Variants in JARID2 observed in about 807,000 individuals in gnomAD.
JARID2 encodes protein Jumonji.
A neutral mutation model predicts 125.6 loss-of-function variants in JARID2; 21 were observed. The ratio of observed to expected loss-of-function variants is 0.17; its 90% CI spans 0.12 to 0.24. JARID2 has a LOEUF of 0.24. JARID2 is among the 10% of genes least tolerant of loss of function. JARID2 has a pLI of 1.00. For missense variants in JARID2, 1,303 were observed against 1,639.6 expected (o/e 0.79, Z 3.55); for synonymous variants, 736 against 661.6 (o/e 1.11, Z -1.73).
intron 3 of JARID2, among the ~76,000 whole-genome samples, chr6:15,438,524 C>A (rs1767309705): frequency 6.6e-6 from 1 of 152,118 alleles, no homozygotes; most frequent in Non-Finnish European, 1.5e-5. Flanking sequence ...TGTTTCTGAC[C>A]AATGTGGACA....
At chr6:15,506,038 GA>G (rs1484094734) in intron 9 of JARID2, among the ~76,000 whole-genome samples, 1 of 152,240 alleles carries the variant, frequency 6.6e-6, no homozygotes, top group Non-Finnish European at 1.5e-5. Flanking sequence ...TCTTATTCAG[GA>G]ATTAATTCCC....
chr6:15,443,868 C>G (rs983371635), intron 3 of JARID2, among the ~76,000 whole-genome samples: 1 of 152,072 alleles, frequency 6.6e-6, no homozygotes, highest in Non-Finnish European at 1.5e-5. Context: ...TTTGTGACAC[C>G]ACTACTCTTT....
At chr6:15,261,941 C>G (rs988946413) in intron 1 of JARID2, among the ~76,000 whole-genome samples, 1 of 151,898 alleles carries the variant, frequency 6.6e-6, no homozygotes, top group Non-Finnish European at 1.5e-5. Flanking sequence ...CCACCATGCC[C>G]GGCTAATTTT....
At chr6:15,420,827 C>T (rs757278815) in intron 3 of JARID2, among the ~76,000 whole-genome samples, 33 of 152,180 alleles carry the variant, frequency 2.2e-4, no homozygotes, top group Non-Finnish European at 8.8e-5. Context: ...AAAACCCTTA[C>T]GAGTATTTTA....
intron 1 of JARID2, among the ~76,000 whole-genome samples, chr6:15,264,427 A>G (rs1370349398): frequency 6.6e-6 from 1 of 152,114 alleles, no homozygotes; most frequent in African/African-American, 2.4e-5. Flanking sequence ...GGTATTAATC[A>G]TGCTTCTCAC....
chr6:15,448,185 G>A (rs1358059532), intron 3 of JARID2, among the ~76,000 whole-genome samples: 6 of 152,190 alleles, frequency 3.9e-5, no homozygotes, highest in Non-Finnish European at 7.3e-5. Context: ...AATCACTTGG[G>A]AGCTTGGCTT....
chr6:15,410,904 A>G (rs1219054067), intron 3 of JARID2, among the ~76,000 whole-genome samples: 2 of 152,312 alleles, frequency 1.3e-5, no homozygotes, highest in Non-Finnish European at 2.9e-5. Context: ...GGCTTTCCTA[A>G]ATAAGCTTCA....
chr6:15,360,829 T>C (rs1436693278), intron 1 of JARID2, among the ~76,000 whole-genome samples: 1 of 152,042 alleles, frequency 6.6e-6, no homozygotes, highest in Non-Finnish European at 1.5e-5. Context: ...TAAAGCATTG[T>C]TTTCCCAAAG....
In JARID2 at chr6:15,504,491, T is replaced by A; in HGVS notation, c.2449-9T>A. 6.2e-7 allele frequency: 1 copy of A among 1,605,226 alleles called. No homozygotes were observed. The highest frequency in any genetic ancestry group is 1.1e-5 in the South Asian group (1 of 90,880). ...TTCTGAAGCTTTACTGTTTTTTGTT[T>A]TGTTTCAGGGAAGGTCTGTTTCTCT... is the stretch of plus-strand genomic sequence containing the variant. On this transcript the variant is annotated splice_polypyrimidine_tract_variant and intron_variant, in intron 8 of 17. Transcript: ENST00000341776.
chr6:15,465,680 G>A (rs535916160), intron 4 of JARID2, among the ~76,000 whole-genome samples: 1 of 152,094 alleles, frequency 6.6e-6, no homozygotes, highest in Non-Finnish European at 1.5e-5. Flanking sequence ...ATCCTGTTAA[G>A]TGGAAGTTAA....
chr6:15,478,080 G>A (rs6912499), intron 5 of JARID2, among the ~76,000 whole-genome samples: 120,299 of 152,220 alleles, frequency 0.79, 47,604 homozygotes, highest in African/African-American at 0.83. Context: ...CACTGGCCTC[G>A]TAGGGCCTTA....
intron 6 of JARID2, among the ~76,000 whole-genome samples, chr6:15,488,305 A>G (rs1398302899): frequency 1.3e-5 from 2 of 152,220 alleles, no homozygotes; most frequent in Non-Finnish European, 2.9e-5. Flanking sequence ...TAGTGGGGAT[A>G]AGGGCAGGTT....
At chr6:15,513,078 T>C in intron 15 of JARID2, 33 bp downstream of exon 15, 3 of 1,613,028 alleles carry the variant, frequency 1.9e-6, no homozygotes, top group Non-Finnish European at 2.5e-6. Context: ...GCCAGAGAGC[T>C]GGACCCGGCT....
intron 1 of JARID2, among the ~76,000 whole-genome samples, chr6:15,281,189 T>C (rs6459404): frequency 0.51 from 77,433 of 152,010 alleles, 19,716 homozygotes; most frequent in East Asian, 0.57. Context: ...TCAGTGCGCA[T>C]ATACCACTTG....
At position 15,468,572 on chromosome 6, in the gene JARID2, A is replaced by G. The variant is rs370641057; in HGVS notation, c.524A>G (p.Tyr175Cys). 7 of 1,613,880 alleles carry G rather than the reference A, an allele frequency of 4.3e-6. No homozygotes were observed. The highest frequency in any genetic ancestry group is 3.3e-5 in the Admixed American group (2 of 59,972). The change falls in exon 5 of 18, where the codon TAT becomes TGT. Residue 175 changes from tyrosine to cysteine, a missense_variant. Coordinates refer to ENST00000341776, the MANE Select transcript of JARID2 (RefSeq NM_004973.4). ...GSPALPNSMV[Y>C]FGSSQDEEEV... The stretch of plus-strand genomic sequence containing the variant: ...CCTGCGCTGCCCAACAGCATGGTGT[A>G]TTTTGGAAGCTCTCAGGATGAGGAG...
At chr6:15,278,008 G>T (rs1280094071) in intron 1 of JARID2, among the ~76,000 whole-genome samples, 4 of 152,180 alleles carry the variant, frequency 2.6e-5, no homozygotes, top group Non-Finnish European at 5.9e-5. Context: ...AGCACTTTGG[G>T]AGGCCGAGGT....
Position 15,372,634 on chromosome 6 carries a change from A to G in JARID2, c.46-1483A>G, listed in dbSNP as rs150899107. 4.6e-5 allele frequency among the ~76,000 whole-genome samples: 7 copies of G among 151,904 alleles called. No individual in the cohort carries two copies. In the East Asian group the frequency reaches 1.4e-3, roughly 30 times the overall value. ...CTCTCAAAGTGCTGGGATTACAGGC[A>G]TGAGCCACTGCGCCAAGCCGTTCTT... On this transcript the variant is annotated intron_variant, in intron 1 of 17. Transcript: ENST00000341776.
intron 2 of JARID2, among the ~76,000 whole-genome samples, chr6:15,394,324 T>C (rs1177994479): frequency 1.3e-5 from 2 of 152,180 alleles, no homozygotes; most frequent in Non-Finnish European, 2.9e-5. Flanking sequence ...GTTATTGAGA[T>C]GAGCAAGGCG....
At chr6:15,285,069 T>G (rs1191116493) in intron 1 of JARID2, among the ~76,000 whole-genome samples, 1 of 151,822 alleles carries the variant, frequency 6.6e-6, no homozygotes, top group African/African-American at 2.4e-5. Flanking sequence ...AACAATTGCA[T>G]TGAATTGAAC....
Sources: allele counts gnomAD v4.1 joint callset (sites outside exome capture counted in the v4.1 genomes callset), GRCh38; gene constraint gnomAD v4.1.1; transcripts MANE v1.5; gene names NCBI Gene and HGNC (gene_info 2026-07-23, HGNC 2026-07-21).